Variants in E2F8 observed in about 807,000 individuals in gnomAD.
The protein encoded by E2F8 is transcription factor E2F8.
E2F8 carries 35 observed loss-of-function variants against 80.8 expected under a neutral mutation model. The observed-to-expected ratio is 0.43, with a 90% CI of 0.33 to 0.57. E2F8 has a LOEUF of 0.57. Ranked by LOEUF, E2F8 falls within the 20% of genes least tolerant of loss-of-function variation. E2F8 has a pLI of 0.04. For synonymous variants in E2F8, 386 were observed against 395.0 expected (o/e 0.98, Z 0.27); for missense variants, 975 against 1,056.2 (o/e 0.92, Z 1.07).
intron 4 of E2F8, among the ~76,000 whole-genome samples, chr11:19,235,668 A>G (rs1394069922): frequency 1.3e-4 from 2 of 15,028 alleles, no homozygotes; most frequent in African/African-American, 7.2e-4. Flanking sequence ...CAAACAAACA[A>G]AAAAAAAAAA....
chr11:19,234,324 A>G (rs1851457889), intron 6 of E2F8, 36 bp downstream of exon 6: 1 of 1,608,300 alleles, frequency 6.2e-7, no homozygotes. Context: ...TTGTTTAAGA[A>G]TAGGTTCAAA....
intron 6 of E2F8, 52 bp from the exon 7 acceptor site, chr11:19,232,423 A>G (rs1851406884): frequency 6.6e-7 from 1 of 1,508,758 alleles, no homozygotes; most frequent in African/African-American, 1.4e-5. Context: ...AAGATCAAAG[A>G]ATTTTCCTTC....
chr11:19,241,130 G>T (rs1292719763), upstream of E2F8, among the ~76,000 whole-genome samples: 1 of 152,238 alleles, frequency 6.6e-6, no homozygotes, highest in Admixed American at 6.5e-5. This position sits in a 1 kb window ranked among gnomAD's most constrained non-coding sequence, Gnocchi z 4.5. Flanking sequence ...TTCCGCCTTC[G>T]ATTTAAAAAT....
In E2F8 at chr11:19,225,884, G is replaced by T; in HGVS notation, c.1894-20C>A. 1.2e-6 allele frequency: 2 copies of T among 1,608,212 alleles called. No individual in the cohort carries two copies. Among genetic ancestry groups the T allele is most frequent in the Non-Finnish European group, 1.7e-6 (2 of 1,177,436 alleles). ...CAAGGTCTAGAAAACAAGGAGGAAG[G>T]GTTTATTTTACACACAAATACAGGA... On this transcript the variant is annotated intron_variant, in intron 10 of 12. Coordinates refer to ENST00000250024, the MANE Select transcript of E2F8 (RefSeq NM_024680.4).
At position 19,225,367 on chromosome 11, in the gene E2F8, C is replaced by T. The variant is rs369363308; in HGVS notation, c.2275G>A (p.Val759Ile). 12 of 1,614,016 alleles carry T rather than the reference C, an allele frequency of 7.4e-6. No homozygotes were observed. In the African/African-American group the frequency reaches 8.0e-5, roughly 11 times the overall value. The part of the protein sequence containing the change: ...QLSASPGSGI[V>I]PVSPRIESVN... ...GACTCTATTCTTGGAGACACAGGAA[C>T]GATTCCAGACCCAGGGCTGGCAGAC... The change falls in exon 12 of 13, where the codon GTT becomes ATT. Residue 759 changes from valine (V) to isoleucine (I), a missense_variant. Val to Ile is a conservative substitution (Grantham distance 29). Transcript: ENST00000250024.
chr11:19,237,533 CATCTGTGCTCGATGACTGACACCAACTT>C, intron 3 of E2F8, 63 bp from the exon 4 acceptor site: 1 of 1,525,494 alleles, frequency 6.6e-7, no homozygotes, highest in South Asian at 1.2e-5. Flanking sequence ...TTATTAGGGG[CATCTGTGCTCGATGACTGACACCAACTT>C]ACACACGCTT....
intron 9 of E2F8, 28 bp downstream of exon 9, chr11:19,230,213 C>T: frequency 6.3e-7 from 1 of 1,599,370 alleles, no homozygotes; most frequent in Non-Finnish European, 8.5e-7. Context: ...GTAATTCATC[C>T]TGTTATTAAA....
At chr11:19,236,820 A>C (rs1851531429) in intron 4 of E2F8, among the ~76,000 whole-genome samples, 1 of 152,232 alleles carries the variant, frequency 6.6e-6, no homozygotes, top group Admixed American at 6.5e-5. Context: ...AACAGAGTAA[A>C]AAGGGGCAGG....
At position 19,238,213 on chromosome 11, in the gene E2F8, G is replaced by A. The variant is rs1378987839; in HGVS notation, c.16-81C>T. 4.1e-5 allele frequency: 57 copies of A among 1,398,384 alleles called. 1 individual carries two copies. The highest frequency in any genetic ancestry group is 4.9e-5 in the Non-Finnish European group (51 of 1,036,942). 86.6% of individuals were successfully genotyped at this position (1,398,384 alleles called of 1,614,324 possible). ...GCTTGGATTCTAGAAATTGCATAAC[G>A]AATAGAATCATGCCAAGGAAAAAAT... On this transcript the variant is annotated intron_variant, in intron 2 of 12. Transcript: ENST00000250024.
chr11:19,235,042 G>A lies in E2F8; in HGVS notation c.468C>T (p.Arg156=), dbSNP rs1276834715. Residue 156 remains arginine (R), a synonymous_variant, in exon 5 of 13, where the codon CGC becomes CGT. Transcript: ENST00000250024. ...CTAGGACGTTCACGATATCGTAAATGCGTCGACGTTCAACATCTACAAAGA... is the reference window on the plus strand; with the variant it reads ...CTAGGACGTTCACGATATCGTAAATACGTCGACGTTCAACATCTACAAAGA... ...VAEELNVERR[R]IYDIVNVLES... 1.2e-6 allele frequency: 2 copies of A among 1,606,020 alleles called. No individual in the cohort carries two copies. Among genetic ancestry groups the A allele is most frequent in the Non-Finnish European group, 1.7e-6 (2 of 1,175,582 alleles).
At chr11:19,227,522 CCT>C (rs1186637870) in intron 10 of E2F8, among the ~76,000 whole-genome samples, 2 of 152,240 alleles carry the variant, frequency 1.3e-5, no homozygotes, top group Non-Finnish European at 2.9e-5. Flanking sequence ...ATGCCAATTC[CCT>C]TTTTTATAAA....
In E2F8 at chr11:19,224,378, T is replaced by C; in HGVS notation, c.*280A>G. On this transcript the variant is annotated 3_prime_UTR_variant, in exon 13 of 13. Coordinates refer to ENST00000250024, the MANE Select transcript of E2F8 (RefSeq NM_024680.4). ...GTATAGGCATAGCTAAAATAATGGA[T>C]TTTTCCCCCTAGAAGTTAATATATC... The C allele has an allele frequency of 3.6e-6, 1 of 274,298 alleles. No homozygotes were observed. Among genetic ancestry groups the C allele is most frequent in the Non-Finnish European group, 6.8e-6 (1 of 146,306 alleles). 17.0% of individuals were successfully genotyped at this position (274,298 alleles called of 1,614,324 possible).
At chr11:19,240,428 A>G in intron 1 of E2F8, 120 bp downstream of exon 1, 1 of 204,998 alleles carries the variant, frequency 4.9e-6, no homozygotes. Flanking sequence ...CCTTCAGCAA[A>G]CGGATCGGCG....
intron 10 of E2F8, among the ~76,000 whole-genome samples, chr11:19,226,678 A>T (rs1851245149): frequency 6.6e-6 from 1 of 152,218 alleles, no homozygotes; most frequent in South Asian, 2.1e-4. Flanking sequence ...GACTAGGTGC[A>T]ACAGAGCCCA....
Position 19,225,448 on chromosome 11 carries a change from C to CTT in E2F8, c.2193_2194insAA (p.Ala732LysfsTer4). On this transcript the variant is annotated frameshift_variant, in exon 12 of 13. Transcript: ENST00000250024. LOFTEE classifies it high-confidence loss of function. ...TGCTGCAGGGTGAAGTTTACAATGG[C>CTT]TGAGCTTGGGTTCTGGATGGGAACA... 1 of 1,614,190 alleles carries CTT rather than the reference C, an allele frequency of 6.2e-7. No homozygotes were observed. The highest frequency in any genetic ancestry group is 8.5e-7 in the Non-Finnish European group (1 of 1,180,018).
rs375738248 is a variant in E2F8 at position 19,234,969 on chromosome 11, G to T, written c.541C>A (p.His181Asn). ...SRLAKNRYTW[H>N]GRHNLNKTLG... ...GTTTTGTTGAGATTGTGTCGCCCGT[G>T]CCAAGTGTACCTGTTTTTGGCGAGG... Residue 181 changes from histidine (H) to asparagine (N), a missense_variant, in exon 5 of 13, where the codon CAC (histidine) becomes AAC (asparagine). Transcript: ENST00000250024. 101 of 1,614,074 alleles carry T rather than the reference G, an allele frequency of 6.3e-5. No homozygotes were observed. Among genetic ancestry groups the T allele is most frequent in the Non-Finnish European group, 8.2e-5 (97 of 1,180,048 alleles).
chr11:19,232,632 A>T (rs547750935), intron 6 of E2F8, among the ~76,000 whole-genome samples: 2 of 152,238 alleles, frequency 1.3e-5, no homozygotes, highest in Non-Finnish European at 2.9e-5. Context: ...AAACGACTTG[A>T]TGAGATCACC....
intron 10 of E2F8, among the ~76,000 whole-genome samples, chr11:19,228,569 A>T (rs1851292702): frequency 6.6e-6 from 1 of 152,266 alleles, no homozygotes; most frequent in Non-Finnish European, 1.5e-5. Context: ...TCCAGAGCAC[A>T]GTGCTTTATA....
chr11:19,226,921 G>A (rs759317009), intron 10 of E2F8, among the ~76,000 whole-genome samples: 3 of 152,102 alleles, frequency 2.0e-5, no homozygotes, highest in African/African-American at 4.8e-5. Context: ...AAAGCTTTAG[G>A]CAATAAAGTT....
Sources: gnomAD v4.1 joint callset for allele counts (sites outside exome capture counted in the v4.1 genomes callset) on GRCh38, gnomAD v4.1.1 for gene constraint, Gnocchi (gnomAD v3.1) non-coding constraint, MANE v1.5 for transcripts, NCBI Gene and HGNC (gene_info 2026-07-23, HGNC 2026-07-21) for gene names.